The following RAB11FIP3 variants were observed in gnomAD, a reference collection of about 807,000 sequenced individuals.
RAB11FIP3 encodes rab11 family-interacting protein 3.
A neutral mutation model predicts 77.8 loss-of-function variants in RAB11FIP3; 17 were observed. That is an observed-to-expected ratio of 0.22 (90% CI 0.15 to 0.33). The LOEUF is 0.33. Among genes scored for constraint, RAB11FIP3 ranks in the 10% least tolerant of loss-of-function variants. RAB11FIP3 has a pLI of 1.00. For synonymous variants in RAB11FIP3, 437 were observed against 448.2 expected, an observed-to-expected ratio of 0.98 and a Z score of 0.31; for missense variants, 1,005 against 1,011.2, an observed-to-expected ratio of 0.99 and a Z score of 0.08.
chr16:492,970 A>C (rs1393343582), intron 5 of RAB11FIP3, among the ~76,000 whole-genome samples: 1 of 152,152 alleles, frequency 6.6e-6, no homozygotes, highest in Non-Finnish European at 1.5e-5. Context: ...GAAGCGGGCC[A>C]GGCGCAGTGA....
In RAB11FIP3 at chr16:441,932, A is replaced by G. The variant is rs145425141; in HGVS notation, c.714+15212A>G. On this transcript the variant is annotated intron_variant, in intron 1 of 13. Coordinates refer to ENST00000262305, the MANE Select transcript of RAB11FIP3 (RefSeq NM_014700.4). ...TGGCTCACTGTAAGCGCCACCTCCCAGGTTCACGCCATTCTCCTGCCTCAG... is the reference window on the plus strand; with the variant it reads ...TGGCTCACTGTAAGCGCCACCTCCCGGGTTCACGCCATTCTCCTGCCTCAG... 3.2e-3 allele frequency among the ~76,000 whole-genome samples: 480 copies of G among 152,250 alleles called. 3 individuals carry two copies. Among genetic ancestry groups the G allele is most frequent in the African/African-American group, 0.011 (451 of 41,530 alleles).
At chr16:436,860 G>A (rs896684942) in intron 1 of RAB11FIP3, among the ~76,000 whole-genome samples, 6 of 152,146 alleles carry the variant, frequency 3.9e-5, no homozygotes, top group Non-Finnish European at 5.9e-5. Context: ...GATTATGGGC[G>A]TAACCATCTT....
intron 4 of RAB11FIP3, among the ~76,000 whole-genome samples, chr16:485,479 C>T (rs1443539961): frequency 6.6e-6 from 1 of 152,206 alleles, no homozygotes; most frequent in Non-Finnish European, 1.5e-5. Context: ...GTGGCGCCAT[C>T]TTGGCTGACT....
At chr16:485,188 G>C (rs2056129525) in intron 4 of RAB11FIP3, among the ~76,000 whole-genome samples, 1 of 152,132 alleles carries the variant, frequency 6.6e-6, no homozygotes, top group South Asian at 2.1e-4. Context: ...AGCAGCCAAA[G>C]GCACGTGGGT....
chr16:463,274 A>T (rs2055647064), intron 2 of RAB11FIP3, among the ~76,000 whole-genome samples: 1 of 151,990 alleles, frequency 6.6e-6, no homozygotes, highest in South Asian at 2.1e-4. Flanking sequence ...CCTCAGAGTC[A>T]GCAGGTGCAG....
At chr16:481,463 A>C (rs998779326) in intron 3 of RAB11FIP3, among the ~76,000 whole-genome samples, 1 of 152,116 alleles carries the variant, frequency 6.6e-6, no homozygotes, top group Non-Finnish European at 1.5e-5. Flanking sequence ...GTGAGCTGAG[A>C]TCATGCCACT....
intron 1 of RAB11FIP3, among the ~76,000 whole-genome samples, chr16:459,076 A>G (rs1193397743): frequency 6.6e-6 from 1 of 152,130 alleles, no homozygotes. Context: ...TCACACCTAC[A>G]AAAATGAACA....
intron 3 of RAB11FIP3, among the ~76,000 whole-genome samples, chr16:480,286 C>CAAAAAAAAAAA (rs56228402): frequency 1.5e-4 from 12 of 80,012 alleles, no homozygotes; most frequent in East Asian, 1.1e-3. Flanking sequence ...ACTCCTTCTC[C>CAAAAAAAAAAA]AAAAAAAAAA....
At chr16:502,878 A>C (rs1296841749) in intron 6 of RAB11FIP3, 126 bp from the exon 7 acceptor site, 21 of 761,564 alleles carry the variant, frequency 2.8e-5, no homozygotes, top group South Asian at 4.4e-5. Context: ...CACCCAGATC[A>C]GGGGAGGACC....
Position 472,002 on chromosome 16 carries a change from G to A in RAB11FIP3, c.903+613G>A, listed in dbSNP as rs914729859. Among the ~76,000 whole-genome samples, 1 of 152,214 alleles carries A rather than the reference G, an allele frequency of 6.6e-6. No homozygotes were observed. Among genetic ancestry groups the A allele is most frequent in the African/African-American group, 2.4e-5 (1 of 41,466 alleles). On this transcript the variant is annotated intron_variant, in intron 3 of 13. Transcript: ENST00000262305. The surrounding 1 kb of genome is among the most constrained non-coding windows in gnomAD (Gnocchi z 4.1). ...GCATGAAGTTGAACTTGAGCCCTTG[G>A]GGGCCGCCGGGAAGGTGGAGGTGGC...
At position 461,339 on chromosome 16, in the gene RAB11FIP3, G is replaced by C; in HGVS notation, c.715-65G>C. The stretch of plus-strand genomic sequence containing the variant: ...ACACACCAGATCTCTCCCAGTCCGA[G>C]GTCCAGGGTTGGGGACCCCTGCTGT... On this transcript the variant is annotated intron_variant, in intron 1 of 13. Transcript: ENST00000262305. This position sits in a 1 kb window ranked among gnomAD's most constrained non-coding sequence, Gnocchi z 4.5. 1 of 1,291,900 alleles carries C rather than the reference G, an allele frequency of 7.7e-7. No individual in the cohort carries two copies. 80.0% of individuals were successfully genotyped at this position (1,291,900 alleles called of 1,614,324 possible). A position where few individuals can be genotyped will look rare whatever the true frequency, so the allele number is the denominator to read the frequency against.
chr16:466,137 G>A (rs2055698469), intron 2 of RAB11FIP3, among the ~76,000 whole-genome samples: 1 of 152,192 alleles, frequency 6.6e-6, no homozygotes, highest in South Asian at 2.1e-4. Context: ...TCTGCACAAT[G>A]TGGCTGGCAG....
chr16:454,392 C>T (rs773331190), intron 1 of RAB11FIP3, among the ~76,000 whole-genome samples: 2 of 152,124 alleles, frequency 1.3e-5, no homozygotes. Flanking sequence ...GCCTGAGCAA[C>T]ATAGCGAGAT....
chr16:492,387 G>GGGCCCTTCCC lies in RAB11FIP3; in HGVS notation c.1265+3387_1265+3388insGGCCCTTCCC. On this transcript the variant is annotated intron_variant, in intron 5 of 13. Transcript: ENST00000262305. ...TTCCCGGGAGACCCGAGGCCGCCCA[G>GGGCCCTTCCC]AGCCCTCCCCGGGAGACCCGAGGCC... Among the ~76,000 whole-genome samples, 2 of 143,484 alleles carry GGGCCCTTCCC rather than the reference G, an allele frequency of 1.4e-5. 1 individual carries two copies. The highest frequency in any genetic ancestry group is 1.4e-4 in the Admixed American group (2 of 13,894). The allele number at this position is 143,484 out of a possible 152,430, so 94.1% of individuals were successfully genotyped here.
chr16:519,095 T>C (rs2032553560), intron 10 of RAB11FIP3, 71 bp downstream of exon 10: 1 of 1,477,156 alleles, frequency 6.8e-7, no homozygotes, highest in African/African-American at 1.4e-5. Flanking sequence ...GCAGCTGAGG[T>C]AGCCCTGAGC....
At chr16:496,971 C>T (rs2031192993) in intron 6 of RAB11FIP3, 112 bp downstream of exon 6, 1 of 1,217,880 alleles carries the variant, frequency 8.2e-7, no homozygotes, top group Non-Finnish European at 1.2e-6. Context: ...TAAACTCTTG[C>T]AAGTTACTTT....
chr16:481,550 G>A (rs1187793752), intron 3 of RAB11FIP3, among the ~76,000 whole-genome samples: 4 of 151,348 alleles, frequency 2.6e-5, no homozygotes, highest in East Asian at 2.0e-4. Context: ...AAGCTCCTCC[G>A]TCAGTCTCTT....
chr16:474,753 C>G, intron 3 of RAB11FIP3: 1 of 1,286,606 alleles, frequency 7.8e-7, no homozygotes, highest in Non-Finnish European at 1.0e-6. Flanking sequence ...AAAAGCCACT[C>G]TGTTTTCAGC....
rs1299974844 is a variant in RAB11FIP3, at chr16:472,540, G to A, written c.903+1151G>A. On this transcript the variant is annotated intron_variant, in intron 3 of 13. Coordinates refer to ENST00000262305, the MANE Select transcript of RAB11FIP3 (RefSeq NM_014700.4). This position sits in a 1 kb window ranked among gnomAD's most constrained non-coding sequence, Gnocchi z 4.1. ...ACAGACGGTGGCTCCTGTGCCCTGA[G>A]AAGGACCCGGCTTCTTCACGAGGAG... Among the ~76,000 whole-genome samples, 2 of 152,208 alleles carry A rather than the reference G, an allele frequency of 1.3e-5. No individual in the cohort carries two copies.
Sources: gnomAD v4.1 joint callset for allele counts (sites outside exome capture counted in the v4.1 genomes callset) on GRCh38, gnomAD v4.1.1 for gene constraint, Gnocchi (gnomAD v3.1) non-coding constraint, MANE v1.5 for transcripts, NCBI Gene and HGNC (gene_info 2026-07-23, HGNC 2026-07-21) for gene names.